LRRC7: variants seen among roughly 807,000 people sequenced by gnomAD.
The protein encoded by LRRC7 is leucine-rich repeat-containing protein 7.
In LRRC7, 23 loss-of-function variants were observed where a neutral mutation model predicts 175.7. That is an observed-to-expected ratio of 0.13 (90% CI 0.09 to 0.19). LRRC7 has a LOEUF of 0.19. LRRC7 is among the 10% of genes least tolerant of loss of function. The probability of loss-of-function intolerance (pLI) is 1.00; values close to 1 mark genes in which losing one functional copy is unlikely to be tolerated. For synonymous variants in LRRC7, 685 were observed against 680.9 expected, an observed-to-expected ratio of 1.01 and a Z score of -0.09; for missense variants, 1,354 against 1,904.7, an observed-to-expected ratio of 0.71 and a Z score of 5.38.
At chr1:69,910,643 G>C (rs948725205) in intron 7 of LRRC7, among the ~76,000 whole-genome samples, 1 of 152,154 alleles carries the variant, frequency 6.6e-6, no homozygotes, top group Non-Finnish European at 1.5e-5. Context: ...GGCTGCTCGG[G>C]GGTCAAGGAC....
chr1:69,646,420 T>C (rs1655016402), intron 1 of LRRC7, among the ~76,000 whole-genome samples: 2 of 152,146 alleles, frequency 1.3e-5, no homozygotes. Context: ...ATGTGGTACA[T>C]ATATAACATT....
At chr1:69,973,541 A>G (rs1009241423) in intron 8 of LRRC7, among the ~76,000 whole-genome samples, 1 of 152,180 alleles carries the variant, frequency 6.6e-6, no homozygotes, top group Non-Finnish European at 1.5e-5. Context: ...CATACAAAAT[A>G]TATATTTTCT....
chr1:69,780,410 C>A (rs1328673095), intron 3 of LRRC7, among the ~76,000 whole-genome samples: 1 of 152,022 alleles, frequency 6.6e-6, no homozygotes, highest in Non-Finnish European at 1.5e-5. Flanking sequence ...TGAATCCTGG[C>A]ACTGTGCCTG....
chr1:69,621,220 G>A (rs961324788), intron 1 of LRRC7, among the ~76,000 whole-genome samples: 4 of 151,460 alleles, frequency 2.6e-5, no homozygotes, highest in Non-Finnish European at 4.4e-5. Flanking sequence ...AATTTTTTAT[G>A]GTTTTAGTAG....
intron 18 of LRRC7, 105 bp downstream of exon 18, chr1:70,028,476 TA>T: frequency 1.0e-6 from 1 of 966,452 alleles, no homozygotes; most frequent in Non-Finnish European, 1.5e-6. Context: ...ATTTTTTTCC[TA>T]AAATATAAAT....
At chr1:70,121,226 T>C (rs1230292964) in intron 26 of LRRC7, among the ~76,000 whole-genome samples, 2 of 152,050 alleles carry the variant, frequency 1.3e-5, no homozygotes, top group Non-Finnish European at 2.9e-5. Flanking sequence ...ACCACTCCTA[T>C]AGATAATAAG....
intron 7 of LRRC7, among the ~76,000 whole-genome samples, chr1:69,927,434 T>G (rs1188019717): frequency 6.6e-6 from 1 of 152,226 alleles, no homozygotes; most frequent in Non-Finnish European, 1.5e-5. Flanking sequence ...CCCCGTCACT[T>G]TCAGGTACAC....
chr1:70,038,251 C>G lies in LRRC7; in HGVS notation c.2427C>G (p.Gly809=), dbSNP rs188591856. 1.0e-4 allele frequency: 163 copies of G among 1,614,166 alleles called. 2 individuals are homozygous for G. The East Asian group carries it at 3.4e-3, about 34-fold the overall frequency. The part of the protein sequence containing the change: ...SDTFTDNWTD[G]SHYDNTGFVA... ...CTTTCACTGACAACTGGACTGATGG[C>G]TCGCATTATGACAACACAGGGTTTG... Residue 809 remains glycine, a synonymous_variant, in exon 21 of 27, where the codon GGC becomes GGG. Transcript: ENST00000651989.
intron 7 of LRRC7, among the ~76,000 whole-genome samples, chr1:69,896,709 A>AT (rs1645990089): frequency 6.6e-6 from 1 of 151,982 alleles, no homozygotes; most frequent in Non-Finnish European, 1.5e-5. Context: ...CACTATAATT[A>AT]TTTTTTTAGT....
chr1:70,054,571 C>T (rs1660985741), intron 23 of LRRC7, among the ~76,000 whole-genome samples: 1 of 131,114 alleles, frequency 7.6e-6, no homozygotes, highest in African/African-American at 2.8e-5. Flanking sequence ...TGGTTCTTTA[C>T]ACTCTACTTT....
At chr1:70,077,360 G>T (rs922796084) in intron 24 of LRRC7, among the ~76,000 whole-genome samples, 1 of 152,218 alleles carries the variant, frequency 6.6e-6, no homozygotes, top group Admixed American at 6.5e-5. Context: ...TGAATTTAAG[G>T]TATCATAAAC....
chr1:70,089,575 CA>C, intron 24 of LRRC7, 151 bp from the exon 25 acceptor site: 1 of 499,850 alleles, frequency 2.0e-6, no homozygotes, highest in African/African-American at 2.0e-5. Context: ...AACATTTTGT[CA>C]AAGTTTATAT....
At chr1:69,896,645 C>T (rs543769734) in intron 7 of LRRC7, among the ~76,000 whole-genome samples, 2 of 152,290 alleles carry the variant, frequency 1.3e-5, no homozygotes, top group South Asian at 4.1e-4. Flanking sequence ...CTATTCCACT[C>T]ATAAACTCCC....
In LRRC7 at chr1:69,902,170, C is replaced by G. The variant is rs573970516; in HGVS notation, c.648-29337C>G. Among the ~76,000 whole-genome samples, 18 of 152,282 alleles carry G rather than the reference C, an allele frequency of 1.2e-4. No homozygotes were observed. The South Asian group carries it at 3.5e-3, about 30-fold the overall frequency. On this transcript the variant is annotated intron_variant, in intron 7 of 26. Coordinates refer to ENST00000651989, the MANE Select transcript of LRRC7 (RefSeq NM_001370785.2). ...TGTGAGGACCTGAAGGCAACAGCCA[C>G]ATGTTAATCCCCATCCTTAGCCCAG...
At position 70,130,179 on chromosome 1, in the gene LRRC7, A is replaced by G. The variant is rs1184838381; in HGVS notation, c.*8292A>G. ...TAGCTATTTGGTGTTTGTTTTTCCT[A>G]TGAACTTTAAGCTTTTTGAGAGAGA... is the stretch of plus-strand genomic sequence containing the variant. On this transcript the variant is annotated 3_prime_UTR_variant, in exon 27 of 27. Transcript: ENST00000651989. 1 of 152,124 alleles carries G rather than the reference A, an allele frequency of 6.6e-6. No homozygotes were observed. The highest frequency in any genetic ancestry group is 2.4e-5 in the African/African-American group (1 of 41,416). 9.4% of individuals were successfully genotyped at this position (152,124 alleles called of 1,614,324 possible).
chr1:70,071,746 C>A (rs961227882), intron 23 of LRRC7, among the ~76,000 whole-genome samples: 1 of 152,016 alleles, frequency 6.6e-6, no homozygotes, highest in Non-Finnish European at 1.5e-5. Flanking sequence ...TCTTTTAAGG[C>A]GGTGTTTGAT....
At chr1:70,085,237 G>T (rs1489039957) in intron 24 of LRRC7, among the ~76,000 whole-genome samples, 1 of 151,880 alleles carries the variant, frequency 6.6e-6, no homozygotes, top group African/African-American at 2.4e-5. Flanking sequence ...TACTCCTTTT[G>T]TATTTTCATC....
intron 1 of LRRC7, among the ~76,000 whole-genome samples, chr1:69,635,904 G>C (rs1433799302): frequency 6.6e-6 from 1 of 151,874 alleles, no homozygotes; most frequent in East Asian, 1.9e-4. Context: ...TATTAAATTA[G>C]TGAAAATGAG....
chr1:69,950,519 C>T (rs1424688918), intron 8 of LRRC7, among the ~76,000 whole-genome samples: 1 of 151,964 alleles, frequency 6.6e-6, no homozygotes, highest in Non-Finnish European at 1.5e-5. Context: ...TAGTATTTAT[C>T]CTATGAATGA....
Sources: allele counts gnomAD v4.1 joint callset (sites outside exome capture counted in the v4.1 genomes callset), GRCh38; gene constraint gnomAD v4.1.1; transcripts MANE v1.5; gene names NCBI Gene and HGNC (gene_info 2026-07-23, HGNC 2026-07-21).